IL33: variants seen among roughly 807,000 people sequenced by gnomAD.
IL33 encodes interleukin 33.
IL33 carries 37 observed loss-of-function variants against 27.3 expected under a neutral mutation model. The ratio of observed to expected loss-of-function variants is 1.36; its 90% CI spans 1.04 to 1.78. The LOEUF (loss-of-function observed/expected upper bound fraction) is 1.78, where lower values mean the gene tolerates loss of function less well. IL33 is among the 40% of genes most tolerant of loss of function. The pLI, the probability that IL33 is intolerant of heterozygous loss-of-function variation, is 0.00. For synonymous variants in IL33, 132 were observed against 102.9 expected, an observed-to-expected ratio of 1.28 and a Z score of -1.71; for missense variants, 406 against 311.4, an observed-to-expected ratio of 1.30 and a Z score of -2.29.
intron 1 of IL33, 28 bp from the exon 2 acceptor site, chr9:6,241,656 G>A: frequency 7.3e-7 from 1 of 1,377,474 alleles, no homozygotes; most frequent in Non-Finnish European, 1.0e-6. Context: ...TGAGACAAAT[G>A]AACTAATATT....
Position 6,257,863 on chromosome 9 carries a change from T to A in IL33, c.*1695T>A, listed in dbSNP as rs182129142. ...TAAAAGCAGAATGTATATCATCCCA[T>A]CTGAAAAACACTAATTATTGACATG... is the stretch of plus-strand genomic sequence containing the variant. On this transcript the variant is annotated 3_prime_UTR_variant, in exon 8 of 8. Transcript: ENST00000682010. 2.0e-4 allele frequency: 30 copies of A among 152,174 alleles called. No individual in the cohort carries two copies. Among genetic ancestry groups the A allele is most frequent in the Non-Finnish European group, 2.9e-5 (2 of 68,022 alleles). The allele number at this position is 152,174 out of a possible 1,614,324, so 9.4% of individuals were successfully genotyped here.
intron 1 of IL33, among the ~76,000 whole-genome samples, chr9:6,227,018 A>T (rs1279334692): frequency 6.6e-6 from 1 of 152,270 alleles, no homozygotes; most frequent in African/African-American, 2.4e-5. Flanking sequence ...TTGGAAGCAC[A>T]CAAGTAGTTT....
chr9:6,241,910 A>G (rs535498683), intron 2 of IL33, 125 bp downstream of exon 2: 2 of 693,340 alleles, frequency 2.9e-6, no homozygotes, highest in African/African-American at 3.6e-5. Flanking sequence ...ACTAAAATAA[A>G]AAGAGATGGC....
At chr9:6,253,050 T>G (rs1816502605) in intron 5 of IL33, 59 bp downstream of exon 5, 1 of 1,143,726 alleles carries the variant, frequency 8.7e-7, no homozygotes. Flanking sequence ...TAAAACATTT[T>G]AATAAATCTA....
At chr9:6,243,630 C>T (rs1329753519) in intron 2 of IL33, among the ~76,000 whole-genome samples, 1 of 152,220 alleles carries the variant, frequency 6.6e-6, no homozygotes, top group Non-Finnish European at 1.5e-5. Context: ...GCTGGGATCA[C>T]AGGCATGAAC....
In IL33 at chr9:6,216,279, C is replaced by T. The variant is rs948022912; in HGVS notation, c.-12+427C>T. Among the ~76,000 whole-genome samples, 17 of 152,252 alleles carry T rather than the reference C, an allele frequency of 1.1e-4. No homozygotes were observed. In the Middle Eastern group the frequency reaches 0.01, roughly 91 times the overall value. ...CCAAGCAGCTGGAACTACAGGCACACGCCACTATGCCTGGGTAATTTTTTT... is the reference window on the plus strand; with the variant it reads ...CCAAGCAGCTGGAACTACAGGCACATGCCACTATGCCTGGGTAATTTTTTT... On this transcript the variant is annotated intron_variant, in intron 1 of 7. Transcript: ENST00000682010.
intron 2 of IL33, among the ~76,000 whole-genome samples, chr9:6,244,215 T>C (rs1158558605): frequency 6.6e-6 from 1 of 152,156 alleles, no homozygotes; most frequent in Non-Finnish European, 1.5e-5. Flanking sequence ...CCTATACCAT[T>C]TAGAGGACAG....
intron 1 of IL33, among the ~76,000 whole-genome samples, chr9:6,230,410 T>C (rs1180356436): frequency 6.6e-6 from 1 of 152,076 alleles, no homozygotes; most frequent in Non-Finnish European, 1.5e-5. Flanking sequence ...GTGATCCAGA[T>C]TGGGTGAGGA....
intron 1 of IL33, among the ~76,000 whole-genome samples, chr9:6,229,542 A>G (rs969839881): frequency 6.6e-6 from 1 of 152,238 alleles, no homozygotes; most frequent in African/African-American, 2.4e-5. Context: ...CTGTAAGTCA[A>G]AATGGTGAAG....
chr9:6,241,351 C>T (rs540272541), intron 1 of IL33, among the ~76,000 whole-genome samples: 2 of 152,298 alleles, frequency 1.3e-5, no homozygotes, highest in South Asian at 4.1e-4. Flanking sequence ...GGGTTGTTTA[C>T]ACCACCATCA....
chr9:6,229,163 C>A (rs966685649), intron 1 of IL33, among the ~76,000 whole-genome samples: 2 of 152,114 alleles, frequency 1.3e-5, no homozygotes, highest in Admixed American at 6.6e-5. Context: ...GAGGAAAATG[C>A]TGGCTTTCAC....
At chr9:6,235,648 G>A (rs543982454) in intron 1 of IL33, among the ~76,000 whole-genome samples, 51 of 152,120 alleles carry the variant, frequency 3.4e-4, no homozygotes, top group African/African-American at 1.1e-3. Context: ...TCTTAGTTTA[G>A]GTAGAGTCCT....
chr9:6,236,248 C>CA (rs1165267291), intron 1 of IL33, among the ~76,000 whole-genome samples: 12 of 150,530 alleles, frequency 8.0e-5, no homozygotes, highest in Admixed American at 1.3e-4. Flanking sequence ...TTGGAAAATG[C>CA]AAAAAAAAGC....
intron 1 of IL33, among the ~76,000 whole-genome samples, chr9:6,235,023 G>A (rs1819117001): frequency 6.6e-6 from 1 of 152,172 alleles, no homozygotes; most frequent in South Asian, 2.1e-4. Context: ...AATCCCAAAT[G>A]TATTCTTTTT....
At chr9:6,218,921 T>TGTTCTCC (rs1564044279) in intron 1 of IL33, among the ~76,000 whole-genome samples, 2 of 123,240 alleles carry the variant, frequency 1.6e-5, no homozygotes, top group East Asian at 2.4e-4. Flanking sequence ...TATATATATA[T>TGTTCTCC]ATATATATAT....
intron 1 of IL33, among the ~76,000 whole-genome samples, chr9:6,216,585 A>G (rs866289758): frequency 6.6e-6 from 1 of 152,086 alleles, no homozygotes; most frequent in African/African-American, 2.4e-5. Context: ...AAATACAAAA[A>G]CAAACAAACA....
rs1412080015 is a variant in IL33 at position 6,223,149 on chromosome 9, T to C, written c.-12+7297T>C. Among the ~76,000 whole-genome samples the C allele has an allele frequency of 7.2e-5, 11 of 152,286 alleles. No homozygotes were observed. The East Asian group carries it at 1.9e-3, about 27-fold the overall frequency. ...GTGTTTATTTTTCCTTCCTTTACTT[T>C]AGAATTTTATGAAGTTTGATTTTCA... On this transcript the variant is annotated intron_variant, in intron 1 of 7. Transcript: ENST00000682010.
intron 1 of IL33, among the ~76,000 whole-genome samples, chr9:6,239,732 A>C (rs573500442): frequency 6.6e-6 from 1 of 152,254 alleles, no homozygotes; most frequent in South Asian, 2.1e-4. Flanking sequence ...GGCATCCCAG[A>C]CAATGAGGCC....
chr9:6,250,612 G>T lies in IL33; in HGVS notation c.217+13G>T. The T allele has an allele frequency of 1.9e-6, 3 of 1,608,224 alleles. No individual in the cohort carries two copies. The highest frequency in any genetic ancestry group is 2.5e-6 in the Non-Finnish European group (3 of 1,178,044). ...TCACTGAAAACAGGTAAGGGGAACC[G>T]TACATTCTCTGGCAATAGTGATAAG... is the stretch of plus-strand genomic sequence containing the variant. On this transcript the variant is annotated intron_variant, in intron 3 of 7. Coordinates refer to ENST00000682010, the MANE Select transcript of IL33 (RefSeq NM_033439.4).
Sources: allele counts gnomAD v4.1 joint callset (sites outside exome capture counted in the v4.1 genomes callset), GRCh38; gene constraint gnomAD v4.1.1; transcripts MANE v1.5; gene names NCBI Gene and HGNC (gene_info 2026-07-23, HGNC 2026-07-21).